SLC25A13: variants seen among roughly 807,000 people sequenced by gnomAD.
SLC25A13 encodes the protein solute carrier family 25 member 13, also known as electrogenic aspartate/glutamate antiporter SLC25A13, mitochondrial.
A neutral mutation model predicts 85.5 loss-of-function variants in SLC25A13; 70 were observed. The ratio of observed to expected loss-of-function variants is 0.82; its 90% confidence interval spans 0.68 to 1.00. The LOEUF (loss-of-function observed/expected upper bound fraction) is 1.00, where lower values mean the gene tolerates loss of function less well. SLC25A13 is among the 50% of genes least tolerant of loss of function. The pLI is 0.00. For missense variants in SLC25A13, 765 were observed against 819.8 expected (o/e 0.93, Z 0.82); for synonymous variants, 259 against 288.7 (o/e 0.90, Z 1.04).
At chr7:96,269,505 G>A (rs751993039) in intron 3 of SLC25A13, among the ~76,000 whole-genome samples, 7 of 152,124 alleles carry the variant, frequency 4.6e-5, no homozygotes, top group African/African-American at 1.7e-4. Flanking sequence ...GTTTTTTTCC[G>A]GATCAGGCTG....
intron 4 of SLC25A13, among the ~76,000 whole-genome samples, chr7:96,214,461 C>T (rs1484507158): frequency 1.3e-5 from 2 of 152,208 alleles, no homozygotes; most frequent in African/African-American, 4.8e-5. Flanking sequence ...GGCGCAGTGG[C>T]CCACGCCTGT....
At chr7:96,251,755 A>G (rs1797437844) in intron 3 of SLC25A13, among the ~76,000 whole-genome samples, 1 of 152,210 alleles carries the variant, frequency 6.6e-6, no homozygotes, top group African/African-American at 2.4e-5. Context: ...TTGAAACTGT[A>G]CTTGGAAAGA....
At chr7:96,283,699 AAAG>A (rs1262272637) in intron 2 of SLC25A13, 7 of 286,756 alleles carry the variant, frequency 2.4e-5, no homozygotes, top group South Asian at 1.1e-4. Context: ...ATGATCAGAA[AAAG>A]AAGGTGTACC....
intron 13 of SLC25A13, among the ~76,000 whole-genome samples, chr7:96,161,102 C>T (rs373604988): frequency 1.3e-5 from 2 of 151,348 alleles, no homozygotes; most frequent in Non-Finnish European, 1.5e-5. Flanking sequence ...ACTTAAAATA[C>T]AAGCCATAAT....
At chr7:96,190,665 T>C (rs1418640152) in intron 7 of SLC25A13, among the ~76,000 whole-genome samples, 2 of 152,130 alleles carry the variant, frequency 1.3e-5, no homozygotes, top group Non-Finnish European at 2.9e-5. Context: ...CAGGCTGGAG[T>C]GCAGTGGCGT....
chr7:96,228,807 T>C (rs1403362172), intron 4 of SLC25A13, among the ~76,000 whole-genome samples: 1 of 152,162 alleles, frequency 6.6e-6, no homozygotes, highest in Non-Finnish European at 1.5e-5. Context: ...TCGGAGTGGA[T>C]GGCCAGCACC....
At chr7:96,219,624 T>C in intron 4 of SLC25A13, 2 of 524,722 alleles carry the variant, frequency 3.8e-6, no homozygotes, top group South Asian at 2.9e-5. Context: ...GGAGAGCTTG[T>C]TTAAAACACA....
At chr7:96,287,453 C>G (rs1798934625) in intron 2 of SLC25A13, among the ~76,000 whole-genome samples, 1 of 152,176 alleles carries the variant, frequency 6.6e-6, no homozygotes, top group African/African-American at 2.4e-5. Flanking sequence ...CCTCGGCCTT[C>G]AAGTGCACTT....
intron 11 of SLC25A13, among the ~76,000 whole-genome samples, chr7:96,174,503 C>G (rs1794139830): frequency 6.6e-6 from 1 of 152,196 alleles, no homozygotes; most frequent in Non-Finnish European, 1.5e-5. Context: ...GGGCATACGC[C>G]TGTTTAAACT....
intron 2 of SLC25A13, among the ~76,000 whole-genome samples, chr7:96,287,336 C>T (rs149579609): frequency 0.013 from 1,987 of 152,290 alleles, 25 homozygotes; most frequent in Non-Finnish European, 0.017. Flanking sequence ...GTCCCCCTGA[C>T]GTCATCTCTT....
rs1416774773 is a variant in SLC25A13 at position 96,121,446 on chromosome 7, C to T, written c.1842-69G>A. The T allele has an allele frequency of 3.3e-5, 51 of 1,554,218 alleles. No individual in the cohort carries two copies. In the South Asian group the frequency reaches 5.6e-4, roughly 17 times the overall value. ...GTTTTAACTTGATAAAAATAACATT[C>T]AAAACCTGTTCAAATATTTAATGTA... On this transcript the variant is annotated intron_variant, in intron 17 of 17. Transcript: ENST00000265631.
At chr7:96,147,098 CACAGAACGTATCCAAAT>C (rs1792837507) in intron 13 of SLC25A13, among the ~76,000 whole-genome samples, 1 of 126,518 alleles carries the variant, frequency 7.9e-6, no homozygotes. Context: ...AATGAGGAGA[CACAGAACGTATCCAAAT>C]GAGGAGACAC....
intron 5 of SLC25A13, 97 bp downstream of exon 5, chr7:96,208,741 G>A (rs1436281942): frequency 5.1e-6 from 7 of 1,379,794 alleles, no homozygotes; most frequent in South Asian, 3.5e-5. Context: ...TCCTGACCTC[G>A]TCATCCGCCC....
intron 11 of SLC25A13, among the ~76,000 whole-genome samples, chr7:96,173,546 T>A (rs1314732054): frequency 2.0e-5 from 3 of 152,230 alleles, no homozygotes; most frequent in Non-Finnish European, 4.4e-5. Flanking sequence ...CCTATCAGCA[T>A]TTGAGTTTGC....
chr7:96,172,640 G>A (rs1794052557), intron 11 of SLC25A13, among the ~76,000 whole-genome samples: 1 of 152,062 alleles, frequency 6.6e-6, no homozygotes, highest in Non-Finnish European at 1.5e-5. Flanking sequence ...CTGACCCCGG[G>A]CCTCTTTCTG....
At chr7:96,210,420 C>T (rs1795647454) in intron 4 of SLC25A13, among the ~76,000 whole-genome samples, 1 of 151,972 alleles carries the variant, frequency 6.6e-6, no homozygotes, top group South Asian at 2.1e-4. Flanking sequence ...TGAGTCTGAC[C>T]AGGGGTCAAT....
chr7:96,124,699 A>T (rs1213985736), intron 15 of SLC25A13, among the ~76,000 whole-genome samples: 1 of 152,150 alleles, frequency 6.6e-6, no homozygotes. Flanking sequence ...AACTCATCTT[A>T]AAGTGTTTGT....
intron 5 of SLC25A13, among the ~76,000 whole-genome samples, chr7:96,207,915 C>T (rs2116713327): frequency 6.6e-6 from 1 of 152,250 alleles, no homozygotes; most frequent in Middle Eastern, 3.4e-3. Flanking sequence ...GCCCTTAGCA[C>T]ACTGGTTCTC....
rs566495042 is a variant in SLC25A13 at position 96,181,393 on chromosome 7, G to T, written c.1177+2884C>A. Reference sequence around the variant, plus strand: ...ACTATTCTGATGCAGCCAGCTGCGGGGGAGGCAAAGAACAAAACTTGTGGT... The same window carrying T: ...ACTATTCTGATGCAGCCAGCTGCGGTGGAGGCAAAGAACAAAACTTGTGGT... On this transcript the variant is annotated intron_variant, in intron 11 of 17. Transcript: ENST00000265631. 3.9e-5 allele frequency among the ~76,000 whole-genome samples: 6 copies of T among 152,318 alleles called. No homozygotes were observed. In the South Asian group the frequency reaches 6.2e-4, roughly 16 times the overall value.
Sources: allele counts gnomAD v4.1 joint callset (sites outside exome capture counted in the v4.1 genomes callset), GRCh38; gene constraint gnomAD v4.1.1; transcripts MANE v1.5; gene names NCBI Gene and HGNC (gene_info 2026-07-23, HGNC 2026-07-21).